COL4A5: variants seen among roughly 807,000 people sequenced by gnomAD.
COL4A5 encodes the protein collagen type IV alpha 5 chain, also known as collagen alpha-5(IV) chain.
Under a neutral mutation model 130.2 loss-of-function variants are expected in COL4A5, and 26 were observed. The ratio of observed to expected loss-of-function variants is 0.20; its 90% confidence interval spans 0.15 to 0.28. COL4A5 has a LOEUF of 0.28. Ranked by LOEUF, COL4A5 falls within the 10% of genes least tolerant of loss-of-function variation. COL4A5 has a pLI of 1.00. For missense variants in COL4A5, 1,131 were observed against 1,344.3 expected (o/e 0.84, Z 2.48); for synonymous variants, 496 against 439.6 (o/e 1.13, Z -1.60).
intron 12 of COL4A5, 53 bp downstream of exon 12, chrX:108,578,172 G>T: frequency 8.6e-7 from 1 of 1,162,393 alleles, no homozygotes; most frequent in Middle Eastern, 2.4e-4. Flanking sequence ...TCTTTTTGTA[G>T]TCATTTGAAC....
At chrX:108,576,576 T>C (rs989595286) in intron 10 of COL4A5, among the ~76,000 whole-genome samples, 1 of 112,468 alleles carries the variant, frequency 8.9e-6, no homozygotes, top group Non-Finnish European at 1.9e-5. Flanking sequence ...TTAGATTTCA[T>C]TCAAGTCATG....
chrX:108,474,131 A>C, intron 1 of COL4A5, among the ~76,000 whole-genome samples: 1 of 111,490 alleles, frequency 9.0e-6, no homozygotes, highest in Non-Finnish European at 1.9e-5. Context: ...AGTCTATAGT[A>C]ATATGCAGCA....
intron 37 of COL4A5, among the ~76,000 whole-genome samples, chrX:108,659,064 C>T (rs1296661638): frequency 9.0e-6 from 1 of 110,910 alleles, no homozygotes; most frequent in Non-Finnish European, 1.9e-5. Context: ...GTGCTCAAAC[C>T]ATATCCCAGA....
At chrX:108,598,628 C>G (rs1459525886) in intron 24 of COL4A5, 74 bp from the exon 25 acceptor site, 1 of 942,944 alleles carries the variant, frequency 1.1e-6, no homozygotes, top group Non-Finnish European at 1.5e-6. Context: ...ATCCTTTCCC[C>G]AGTTGTATTC....
chrX:108,641,729 A>G (rs1415507377), intron 36 of COL4A5, among the ~76,000 whole-genome samples: 1 of 111,998 alleles, frequency 8.9e-6, no homozygotes, highest in Non-Finnish European at 1.9e-5. Context: ...GCAGCAGGAA[A>G]GGCCCTGGGG....
chrX:108,687,420 A>G (rs1308063740), intron 48 of COL4A5, 62 bp from the exon 49 acceptor site: 3 of 961,548 alleles, frequency 3.1e-6, no homozygotes, highest in Non-Finnish European at 3.0e-6. Flanking sequence ...TGTTTTGTCA[A>G]TATCCATAAG....
intron 10 of COL4A5, among the ~76,000 whole-genome samples, chrX:108,577,372 C>CAAAAAAAAAAAAAAAA (rs746311921): frequency 3.7e-4 from 11 of 29,803 alleles, no homozygotes; most frequent in Non-Finnish European, 4.5e-4. Flanking sequence ...AACTCCTTCT[C>CAAAAAAAAAAAAAAAA]AAAAAAAAAA....
At chrX:108,538,265 T>C (rs769507105) in intron 1 of COL4A5, among the ~76,000 whole-genome samples, 1 of 112,322 alleles carries the variant, frequency 8.9e-6, no homozygotes, top group African/African-American at 3.2e-5. Flanking sequence ...TGAATAAGCC[T>C]ATTTAATCTG....
intron 36 of COL4A5, chrX:108,627,380 A>G: frequency 1.4e-6 from 1 of 729,743 alleles, no homozygotes; most frequent in Non-Finnish European, 1.6e-6. Flanking sequence ...TGTTCTATAC[A>G]TTTATATATA....
chrX:108,662,370 AT>A (rs1391855417), intron 37 of COL4A5, among the ~76,000 whole-genome samples: 1 of 111,063 alleles, frequency 9.0e-6, no homozygotes, highest in Non-Finnish European at 1.9e-5. Flanking sequence ...GCTGTCATTC[AT>A]TAGAAAACAT....
chrX:108,582,934 A>G lies in COL4A5; in HGVS notation c.987A>G (p.Glu329=), dbSNP rs1246380499. The G allele has an allele frequency of 8.4e-7, 1 of 1,193,757 alleles. No homozygotes were observed. The highest frequency in any genetic ancestry group is 3.0e-5 in the East Asian group (1 of 33,671). The part of the protein sequence containing the change: ...GYPGEPGRDG[E]KGQKGDTGPP... ...CTGGTGAACCCGGAAGGGATGGTGA[A>G]AAGGTAAGAATTTTAATACTTTGAA... is the stretch of plus-strand genomic sequence containing the variant. The change falls in exon 17 of 53, where the codon GAA becomes GAG. Residue 329 remains glutamate, a synonymous_variant. Coordinates refer to ENST00000328300, the MANE Select transcript of COL4A5 (RefSeq NM_033380.3).
chrX:108,630,068 T>A (rs2067225201), intron 36 of COL4A5, among the ~76,000 whole-genome samples: 1 of 111,970 alleles, frequency 8.9e-6, no homozygotes, highest in Admixed American at 9.5e-5. Context: ...GGATGGACAT[T>A]TGGGTTGGTT....
intron 1 of COL4A5, among the ~76,000 whole-genome samples, chrX:108,516,363 A>G (rs922226176): frequency 1.8e-5 from 2 of 111,927 alleles, no homozygotes; most frequent in Admixed American, 9.5e-5. Context: ...TCTTATTATC[A>G]TGGTACTGTG....
intron 29 of COL4A5, among the ~76,000 whole-genome samples, chrX:108,609,095 CA>C (rs1325585990): frequency 7.1e-5 from 8 of 111,895 alleles, no homozygotes; most frequent in African/African-American, 2.6e-4. Flanking sequence ...CTGTTAAAGA[CA>C]TTTTTTACAA....
intron 1 of COL4A5, among the ~76,000 whole-genome samples, chrX:108,458,215 C>A (rs1175971664): frequency 9.0e-6 from 1 of 111,635 alleles, no homozygotes; most frequent in Non-Finnish European, 1.9e-5. Context: ...GCTTTTGATC[C>A]ATTTACTTAT....
intron 1 of COL4A5, chrX:108,440,523 T>TGATACGGCGA: frequency 3.7e-6 from 1 of 270,476 alleles, no homozygotes; most frequent in Admixed American, 6.1e-5. Flanking sequence ...TTAAAACTTT[T>TGATACGGCGA]CCTCCCCTCC....
rs1203616884 is a variant in COL4A5 at position 108,473,633 on chromosome X, A to ATTTTTTTTTT, written c.81+33431_81+33440dup. 5.8e-3 allele frequency among the ~76,000 whole-genome samples: 202 copies of ATTTTTTTTTT among 34,552 alleles called. 5 individuals carry two copies. Among genetic ancestry groups the ATTTTTTTTTT allele is most frequent in the African/African-American group, 0.021 (192 of 9,265 alleles). The allele number at this position is 34,552 out of a possible 115,157, so 30.0% of individuals were successfully genotyped here. ...TATATGTATATATATATATATATAT[A>ATTTTTTTTTT]TTTTTTTTTTTTTGAGATGAAGTCT... On this transcript the variant is annotated intron_variant, in intron 1 of 52. Coordinates refer to ENST00000328300, the MANE Select transcript of COL4A5 (RefSeq NM_033380.3).
rs2066299378 is a variant in COL4A5, at chrX:108,584,387, A to T, written c.991-97A>T. ...TCTCATTTGAGGTATTTTATGATTG[A>T]TTTCTGGGTCTTTTTGGAAAGTTTC... On this transcript the variant is annotated intron_variant, in intron 17 of 52. Coordinates refer to ENST00000328300, the MANE Select transcript of COL4A5 (RefSeq NM_033380.3). 3 of 743,831 alleles carry T rather than the reference A, an allele frequency of 4.0e-6. No homozygotes were observed. The Admixed American group carries it at 7.6e-5, about 19-fold the overall frequency. 61.3% of individuals were successfully genotyped at this position (743,831 alleles called of 1,213,427 possible).
At chrX:108,657,473 C>G (rs2067865735) in intron 37 of COL4A5, among the ~76,000 whole-genome samples, 1 of 111,516 alleles carries the variant, frequency 9.0e-6, no homozygotes, top group African/African-American at 3.2e-5. Context: ...CTTGTCTTGG[C>G]TATTCTAATT....
Sources: allele counts gnomAD v4.1 joint callset (sites outside exome capture counted in the v4.1 genomes callset), GRCh38; gene constraint gnomAD v4.1.1; transcripts MANE v1.5; gene names NCBI Gene and HGNC (gene_info 2026-07-23, HGNC 2026-07-21).